The following ISY1 variants were observed in gnomAD, a reference collection of about 807,000 sequenced individuals.
ISY1 encodes the protein pre-mRNA-splicing factor ISY1 homolog.
ISY1 carries 12 observed loss-of-function variants against 54.4 expected under a neutral mutation model. That is an observed-to-expected ratio of 0.22 (90% CI 0.14 to 0.36). The LOEUF (loss-of-function observed/expected upper bound fraction) is 0.36, where lower values mean the gene tolerates loss of function less well. Ranked by LOEUF, ISY1 falls within the 10% of genes least tolerant of loss-of-function variation. ISY1 has a pLI of 1.00. For synonymous variants in ISY1, 96 were observed against 117.9 expected (o/e 0.81, Z 1.20); for missense variants, 282 against 342.2 (o/e 0.82, Z 1.39).
chr3:129,155,910 G>A (rs1317315571), intron 5 of ISY1, among the ~76,000 whole-genome samples: 1 of 151,728 alleles, frequency 6.6e-6, no homozygotes, highest in East Asian at 2.0e-4. Flanking sequence ...CAGTAGAGGT[G>A]GGGTTTCTCC....
At chr3:129,148,326 G>A (rs1936836230) in intron 5 of ISY1, among the ~76,000 whole-genome samples, 2 of 152,230 alleles carry the variant, frequency 1.3e-5, no homozygotes, top group South Asian at 2.1e-4. Context: ...TGGATCATAG[G>A]TTAAGTGTAT....
At chr3:129,150,752 C>T (rs947779790) in intron 5 of ISY1, among the ~76,000 whole-genome samples, 22 of 151,930 alleles carry the variant, frequency 1.4e-4, no homozygotes, top group Non-Finnish European at 3.1e-4. Context: ...TAAGTTATTT[C>T]TTGTGTTTTG....
intron 6 of ISY1, among the ~76,000 whole-genome samples, chr3:129,142,988 G>T (rs80283528): frequency 6.6e-6 from 1 of 152,174 alleles, no homozygotes; most frequent in Non-Finnish European, 1.5e-5. Context: ...CCAGGAGGGG[G>T]AGGTTGCAGT....
intron 6 of ISY1, among the ~76,000 whole-genome samples, chr3:129,140,868 A>C (rs1365306064): frequency 6.6e-6 from 1 of 150,720 alleles, no homozygotes; most frequent in Non-Finnish European, 1.5e-5. Flanking sequence ...TGCGCCTGGC[A>C]GATCTGATCT....
chr3:129,130,402 A>C, intron 10 of ISY1, 148 bp downstream of exon 10: 1 of 1,182,932 alleles, frequency 8.5e-7, no homozygotes. Context: ...TGGACCCCAC[A>C]CCCTGAACAC....
intron 6 of ISY1, chr3:129,143,951 GAAAATA>G (rs1237321614): frequency 7.7e-5 from 13 of 168,154 alleles, no homozygotes; most frequent in Admixed American, 4.9e-4. Flanking sequence ...TTTATATGTA[GAAAATA>G]AAAATAAAAT....
At chr3:129,159,840 C>T (rs1937252047) in intron 1 of ISY1, among the ~76,000 whole-genome samples, 1 of 152,168 alleles carries the variant, frequency 6.6e-6, no homozygotes, top group Non-Finnish European at 1.5e-5. Context: ...AGAGCTGTCA[C>T]GATATCTTCA....
At chr3:129,137,822 G>A (rs1157961176) in intron 7 of ISY1, among the ~76,000 whole-genome samples, 1 of 145,826 alleles carries the variant, frequency 6.9e-6, no homozygotes, top group Non-Finnish European at 1.5e-5. Context: ...TGAGGCAGGA[G>A]AATGGCGTAA....
chr3:129,161,045 GC>G lies in ISY1; in HGVS notation c.-71del. Reference sequence around the variant, plus strand: ...AAGAAACTCCACAGGCCCAGAAGACGCCGACGCTCACAGGAACTGAAGATTC... The same window carrying G: ...AAGAAACTCCACAGGCCCAGAAGACGCGACGCTCACAGGAACTGAAGATTC... On this transcript the variant is annotated 5_prime_UTR_variant, in exon 1 of 11. Coordinates refer to ENST00000393295, the MANE Select transcript of ISY1 (RefSeq NM_020701.4). 6.5e-7 allele frequency: 1 copy of G among 1,534,708 alleles called. No individual in the cohort carries two copies. Among genetic ancestry groups the G allele is most frequent in the African/African-American group, 1.4e-5 (1 of 72,076 alleles).
chr3:129,132,485 G>A (rs904296784), intron 9 of ISY1, among the ~76,000 whole-genome samples: 2 of 152,120 alleles, frequency 1.3e-5, no homozygotes, highest in Non-Finnish European at 2.9e-5. Flanking sequence ...CTCATCACAG[G>A]ATCTCTCAGC....
intron 5 of ISY1, among the ~76,000 whole-genome samples, chr3:129,152,789 CATA>C (rs1396475270): frequency 6.6e-6 from 1 of 152,104 alleles, no homozygotes; most frequent in Non-Finnish European, 1.5e-5. Flanking sequence ...AGTTATTTCT[CATA>C]ATATCTTTTT....
intron 7 of ISY1, among the ~76,000 whole-genome samples, chr3:129,139,135 C>T (rs976313927): frequency 1.3e-5 from 2 of 151,906 alleles, no homozygotes; most frequent in East Asian, 2.0e-4. Flanking sequence ...CAGGGTTTCA[C>T]CATGTTGGCC....
chr3:129,154,439 C>CAAAA (rs58548903), intron 5 of ISY1, among the ~76,000 whole-genome samples: 20 of 33,414 alleles, frequency 6.0e-4, no homozygotes, highest in Admixed American at 7.7e-4. Flanking sequence ...GACTCCATCT[C>CAAAA]AAAAAAAAAA....
At chr3:129,154,439 CAAAAAAAAAAAAAAA>C (rs58548903) in intron 5 of ISY1, among the ~76,000 whole-genome samples, 1 of 33,410 alleles carries the variant, frequency 3.0e-5, no homozygotes. Flanking sequence ...GACTCCATCT[CAAAAAAAAAAAAAAA>C]AAAAAAAAAG....
rs1363942094 is a variant in ISY1, at chr3:129,129,196, T to A, written c.*885A>T. 6.6e-6 allele frequency: 1 copy of A among 152,094 alleles called. No individual in the cohort carries two copies. The allele number at this position is 152,094 out of a possible 1,614,324, so 9.4% of individuals were successfully genotyped here. A position where few individuals can be genotyped will look rare whatever the true frequency, so the allele number is the denominator to read the frequency against. ...AAGACATGGAGGTTTCCCTTTCTTA[T>A]AAAAATCTTTAATAAAAATAGGTTT... On this transcript the variant is annotated 3_prime_UTR_variant, in exon 11 of 11. Coordinates refer to ENST00000393295, the MANE Select transcript of ISY1 (RefSeq NM_020701.4).
intron 6 of ISY1, among the ~76,000 whole-genome samples, chr3:129,143,514 A>T (rs997268255): frequency 6.6e-6 from 1 of 151,482 alleles, no homozygotes; most frequent in Non-Finnish European, 1.5e-5. Context: ...TCAAAAAAAA[A>T]AAAAAAACTA....
intron 5 of ISY1, among the ~76,000 whole-genome samples, chr3:129,146,204 A>C (rs537515673): frequency 2.4e-4 from 36 of 152,270 alleles, no homozygotes; most frequent in Non-Finnish European, 5.0e-4. Flanking sequence ...AGAGATGGGG[A>C]AACAGCAACT....
chr3:129,146,358 AG>A (rs1327841565), intron 5 of ISY1, among the ~76,000 whole-genome samples: 2 of 152,224 alleles, frequency 1.3e-5, no homozygotes, highest in African/African-American at 4.8e-5. Context: ...ATTATGCCTA[AG>A]GGATTAATTG....
At chr3:129,149,788 CAAAAAAAA>C (rs369302599) in intron 5 of ISY1, among the ~76,000 whole-genome samples, 3 of 83,564 alleles carry the variant, frequency 3.6e-5, no homozygotes, top group Admixed American at 1.8e-4. Flanking sequence ...GACTCCAACT[CAAAAAAAA>C]AAAAAAAAAA....
Sources: gnomAD v4.1 joint callset for allele counts (sites outside exome capture counted in the v4.1 genomes callset) on GRCh38, gnomAD v4.1.1 for gene constraint, MANE v1.5 for transcripts, NCBI Gene and HGNC (gene_info 2026-07-23, HGNC 2026-07-21) for gene names.